ZFP62: variants seen among roughly 807,000 people sequenced by gnomAD.
ZFP62 encodes ZFP62 zinc finger protein.
In ZFP62, 44 loss-of-function variants were observed where a neutral mutation model predicts 56.4. The observed-to-expected ratio is 0.78, with a 90% confidence interval of 0.61 to 1.00. The LOEUF (loss-of-function observed/expected upper bound fraction) is 1.00, where lower values mean the gene tolerates loss of function less well. Among genes scored for constraint, ZFP62 ranks in the 50% least tolerant of loss-of-function variants. ZFP62 has a pLI of 0.00. For missense variants in ZFP62, 1,030 were observed against 1,085.7 expected, an observed-to-expected ratio of 0.95 and a Z score of 0.72; for synonymous variants, 421 against 388.9, an observed-to-expected ratio of 1.08 and a Z score of -0.97.
At chr5:180,841,243 A>ATG in the ZFP62 span, among the ~76,000 whole-genome samples, 1 of 57,542 alleles carries the variant, frequency 1.7e-5, no homozygotes, top group African/African-American at 5.7e-5. Context: ...TGCTATATCC[A>ATG]TATATATATA....
chr5:180,846,939 T>G (rs771941421), downstream of ZFP62, among the ~76,000 whole-genome samples: 3 of 152,126 alleles, frequency 2.0e-5, no homozygotes, highest in Non-Finnish European at 4.4e-5. Flanking sequence ...ATCAGAACAG[T>G]CCAAGTGGAG....
downstream of ZFP62, among the ~76,000 whole-genome samples, chr5:180,846,832 T>C (rs1773423171): frequency 6.6e-6 from 1 of 152,206 alleles, no homozygotes; most frequent in African/African-American, 2.4e-5. Flanking sequence ...CAGTGCCTAG[T>C]AGATCCTCAA....
the ZFP62 span, among the ~76,000 whole-genome samples, chr5:180,832,432 C>A: frequency 6.6e-6 from 1 of 152,238 alleles, no homozygotes; most frequent in African/African-American, 2.4e-5. Flanking sequence ...AGATTACAGG[C>A]ATGAGCCACT....
At chr5:180,843,800 T>C (rs1438240023), downstream of ZFP62, among the ~76,000 whole-genome samples, 1 of 152,264 alleles carries the variant, frequency 6.6e-6, no homozygotes, top group Non-Finnish European at 1.5e-5. Context: ...GCATGCGGCA[T>C]CTGCAGAACA....
chr5:180,847,506 G>A (rs1440374075), downstream of ZFP62: 5 of 802,930 alleles, frequency 6.2e-6, no homozygotes, highest in Non-Finnish European at 7.5e-6. Context: ...TAGCCCTGTG[G>A]GATGAGTCTA....
chr5:180,859,965 C>T (rs2113727644), intron 1 of ZFP62, among the ~76,000 whole-genome samples: 1 of 152,244 alleles, frequency 6.6e-6, no homozygotes, highest in South Asian at 2.1e-4. Context: ...TGGAGACAAC[C>T]CAAATGCCCC....
At chr5:180,834,763 G>A in the ZFP62 span, 39 of 152,362 alleles carry the variant, frequency 2.6e-4, no homozygotes, top group African/African-American at 8.7e-4. Flanking sequence ...CTTGTAGAGT[G>A]TCCCTGTGAT....
At chr5:180,830,470 C>A in the ZFP62 span, 1 of 152,404 alleles carries the variant, frequency 6.6e-6, no homozygotes, top group Non-Finnish European at 1.5e-5. Context: ...GGAGCTCCCT[C>A]CCTGATGACT....
chr5:180,842,823 C>A (rs1196381214), downstream of ZFP62, among the ~76,000 whole-genome samples: 1 of 152,034 alleles, frequency 6.6e-6, no homozygotes. Flanking sequence ...AGGTGGATCA[C>A]CTGAGGTCAG....
At chr5:180,846,320 TGTTA>T (rs1483012491), downstream of ZFP62, among the ~76,000 whole-genome samples, 2 of 152,168 alleles carry the variant, frequency 1.3e-5, no homozygotes, top group Non-Finnish European at 2.9e-5. Flanking sequence ...TCCTCTCCTT[TGTTA>T]TTTAGCCTGC....
At position 180,848,994 on chromosome 5, in the gene ZFP62, T is replaced by G; in HGVS notation, c.2501A>C (p.His834Pro). Reference protein sequence around the residue: ...RSVLDQHKRIHTGKKPYRCNE... With the variant: ...RSVLDQHKRIPTGKKPYRCNE... The stretch of plus-strand genomic sequence containing the variant: ...ACATCGGTATGGCTTCTTTCCAGTG[T>G]GGATCCTTTTGTGCTGGTCAAGGAC... The change falls in exon 2 of 2, where the codon CAC (histidine) becomes CCC (proline). Residue 834 changes from histidine to proline, a missense_variant. Transcript: ENST00000502412. The G allele has an allele frequency of 1.3e-6, 2 of 1,551,780 alleles. No individual in the cohort carries two copies. Among genetic ancestry groups the G allele is most frequent in the Middle Eastern group, 1.7e-4 (1 of 5,994 alleles).
At chr5:180,860,639 G>C (rs1774253220) in intron 1 of ZFP62, 1 of 150,290 alleles carries the variant, frequency 6.7e-6, no homozygotes, top group Non-Finnish European at 1.5e-5. Context: ...CGCACCTCCG[G>C]GGTCTCTATT....
chr5:180,856,460 A>G (rs1055438802), intron 1 of ZFP62, among the ~76,000 whole-genome samples: 3 of 152,202 alleles, frequency 2.0e-5, no homozygotes, highest in Non-Finnish European at 4.4e-5. Context: ...CCTTATAAAC[A>G]ATACTGGAGA....
At chr5:180,837,421 C>G in the ZFP62 span, among the ~76,000 whole-genome samples, 1 of 152,192 alleles carries the variant, frequency 6.6e-6, no homozygotes, top group East Asian at 1.9e-4. Flanking sequence ...CTGTGAGCAG[C>G]AACTGAAGAG....
At chr5:180,838,947 G>T in the ZFP62 span, among the ~76,000 whole-genome samples, 15 of 152,278 alleles carry the variant, frequency 9.9e-5, no homozygotes, top group South Asian at 1.7e-3. Context: ...TAACATACAG[G>T]AGAGAAAAAT....
chr5:180,843,688 TAACTC>T (rs1383962493), downstream of ZFP62, among the ~76,000 whole-genome samples: 2 of 152,250 alleles, frequency 1.3e-5, no homozygotes, highest in East Asian at 3.8e-4. Context: ...TAAGTAGAGA[TAACTC>T]AACAATTGTC....
chr5:180,840,101 A>G, the ZFP62 span, among the ~76,000 whole-genome samples: 1 of 152,230 alleles, frequency 6.6e-6, no homozygotes. Context: ...AGGCCTCCAC[A>G]GTAAGTGCCA....
intron 1 of ZFP62, among the ~76,000 whole-genome samples, chr5:180,856,193 C>T (rs969314926): frequency 6.6e-6 from 1 of 152,228 alleles, no homozygotes; most frequent in Non-Finnish European, 1.5e-5. Context: ...GCTTAAACCC[C>T]TCTGTTTGGG....
At chr5:180,839,546 T>A in the ZFP62 span, among the ~76,000 whole-genome samples, 2 of 152,022 alleles carry the variant, frequency 1.3e-5, no homozygotes, top group African/African-American at 4.8e-5. Context: ...CACTTACAAG[T>A]GGGAGCTAAA....
Sources: gnomAD v4.1 joint callset for allele counts (sites outside exome capture counted in the v4.1 genomes callset) on GRCh38, gnomAD v4.1.1 for gene constraint, MANE v1.5 for transcripts, NCBI Gene and HGNC (gene_info 2026-07-23, HGNC 2026-07-21) for gene names.